PPP2R2C: variants seen among roughly 807,000 people sequenced by gnomAD.
The protein encoded by PPP2R2C is protein phosphatase 2 regulatory subunit Bgamma, also known as protein phosphatase 2, regulatory subunit B, gamma.
Under a neutral mutation model 45.3 loss-of-function variants are expected in PPP2R2C, and 10 were observed. That is an observed-to-expected ratio of 0.22 (90% CI 0.14 to 0.37). PPP2R2C has a LOEUF of 0.37. Among genes scored for constraint, PPP2R2C ranks in the 10% least tolerant of loss-of-function variants. The probability of loss-of-function intolerance (pLI) is 1.00; values close to 1 mark genes in which losing one functional copy is unlikely to be tolerated. For missense variants in PPP2R2C, 308 were observed against 619.7 expected (o/e 0.50, Z 5.34); for synonymous variants, 257 against 245.4 (o/e 1.05, Z -0.44).
At position 6,457,798 on chromosome 4, in the gene PPP2R2C, A is replaced by G. The variant is rs187971250; in HGVS notation, c.70+14362T>C. Among the ~76,000 whole-genome samples, 827 of 152,372 alleles carry G rather than the reference A, an allele frequency of 5.4e-3. 4 individuals are homozygous for G. The highest frequency in any genetic ancestry group is 7.5e-3 in the Non-Finnish European group (512 of 68,038). ...AAAGACATATGGAGAGAGTTTGCAC[A>G]GTGCTCGCTACTGTTATTGTATACC... On this transcript the variant is annotated intron_variant, in intron 1 of 8. Transcript: ENST00000382599.
chr4:6,453,386 T>C lies in PPP2R2C; in HGVS notation c.70+18774A>G, dbSNP rs1343984168. ...CGTCAGGACTTGCAGGAAGTATCCA[T>C]GGCAACCCCCAGCCCCAGCCACCCC... is the stretch of plus-strand genomic sequence containing the variant. On this transcript the variant is annotated intron_variant, in intron 1 of 8. Coordinates refer to ENST00000382599, the MANE Select transcript of PPP2R2C (RefSeq NM_020416.4). 3.9e-5 allele frequency among the ~76,000 whole-genome samples: 6 copies of C among 152,204 alleles called. No homozygotes were observed. In the South Asian group the frequency reaches 6.2e-4, roughly 16 times the overall value.
At chr4:6,562,391 G>A in intron 1 of PPP2R2C, among the ~76,000 whole-genome samples, 1 of 151,554 alleles carries the variant, frequency 6.6e-6, no homozygotes, top group East Asian at 1.9e-4. Flanking sequence ...TGTGGCCTCG[G>A]GCAAGTTACT....
In PPP2R2C at chr4:6,378,893, G is replaced by C. The variant is rs111438100; in HGVS notation, c.169-321C>G. Among the ~76,000 whole-genome samples the C allele has an allele frequency of 2.0e-4, 30 of 151,598 alleles. No homozygotes were observed. Among genetic ancestry groups the C allele is most frequent in the African/African-American group, 7.3e-4 (30 of 41,302 alleles). ...CGCACCATCGCATTCTACCCTCCAG[G>C]CCTCCTCTGCTTGAGCACCACGACT... On this transcript the variant is annotated intron_variant, in intron 2 of 8. Coordinates refer to ENST00000382599, the MANE Select transcript of PPP2R2C (RefSeq NM_020416.4). The surrounding 1 kb of genome is among the most constrained non-coding windows in gnomAD (Gnocchi z 5.2).
chr4:6,389,220 C>G (rs973438249), intron 1 of PPP2R2C, among the ~76,000 whole-genome samples: 16 of 152,198 alleles, frequency 1.1e-4, no homozygotes, highest in African/African-American at 3.9e-4. Context: ...ATTCTGTGGA[C>G]TAGGACGTTC....
chr4:6,397,293 C>T (rs910894416), intron 1 of PPP2R2C, among the ~76,000 whole-genome samples: 1 of 152,254 alleles, frequency 6.6e-6, no homozygotes, highest in Admixed American at 6.5e-5. Context: ...CCCCCAGGCA[C>T]CCCTGCTGCT....
chr4:6,547,942 G>T (rs1260752538), intron 1 of PPP2R2C, among the ~76,000 whole-genome samples: 1 of 152,152 alleles, frequency 6.6e-6, no homozygotes, highest in African/African-American at 2.4e-5. Flanking sequence ...ATGGGGCCAG[G>T]CACGGTAGCT....
chr4:6,350,682 T>A (rs1167826174), intron 5 of PPP2R2C: 3 of 985,016 alleles, frequency 3.0e-6, no homozygotes, highest in Non-Finnish European at 3.6e-6. Context: ...AGGGGAGACC[T>A]CTCCTTCGGC....
Position 6,406,275 on chromosome 4 carries a change from C to A in PPP2R2C, c.71-25181G>T, listed in dbSNP as rs115094103. Among the ~76,000 whole-genome samples the A allele has an allele frequency of 8.5e-3, 1,293 of 152,322 alleles. 9 individuals carry two copies. The highest frequency in any genetic ancestry group is 0.013 in the Non-Finnish European group (893 of 68,026). Reference sequence around the variant, plus strand: ...GGATCTAAACCCAGCCAGTGTGGACCAGCACCTTCCATGGGGAAGTTGGTC... The same window carrying A: ...GGATCTAAACCCAGCCAGTGTGGACAAGCACCTTCCATGGGGAAGTTGGTC... On this transcript the variant is annotated intron_variant, in intron 1 of 8. Transcript: ENST00000382599.
rs139745988 is a variant in PPP2R2C, at chr4:6,409,869, T to A, written c.71-28775A>T. The stretch of plus-strand genomic sequence containing the variant: ...AAGCCTTTGCCCAGACTTTCCCCTC[T>A]GCCTGGAACACCCTTCCTATCTTTT... On this transcript the variant is annotated intron_variant, in intron 1 of 8. Transcript: ENST00000382599. Among the ~76,000 whole-genome samples, 70 of 152,316 alleles carry A rather than the reference T, an allele frequency of 4.6e-4. 2 individuals carry two copies. The highest frequency in any genetic ancestry group is 1.5e-3 in the African/African-American group (63 of 41,580).
chr4:6,457,662 C>T (rs1315960655), intron 1 of PPP2R2C, among the ~76,000 whole-genome samples: 1 of 152,192 alleles, frequency 6.6e-6, no homozygotes, highest in Non-Finnish European at 1.5e-5. Flanking sequence ...GTGTGAGCCA[C>T]AATGCCCAAC....
intron 1 of PPP2R2C, chr4:6,382,165 T>A: frequency 8.4e-7 from 1 of 1,194,196 alleles, no homozygotes; most frequent in Non-Finnish European, 1.1e-6. Context: ...ACATTTCCAG[T>A]ATGTCTTGGA....
upstream of PPP2R2C, among the ~76,000 whole-genome samples, chr4:6,474,228 ACT>A (rs1722055864): frequency 1.3e-5 from 1 of 76,750 alleles, no homozygotes; most frequent in African/African-American, 5.2e-5. Flanking sequence ...CCAGCCCCCC[ACT>A]CTCTGTCCAC....
At chr4:6,522,245 C>G (rs1025735700) in intron 2 of PPP2R2C, among the ~76,000 whole-genome samples, 2 of 152,212 alleles carry the variant, frequency 1.3e-5, no homozygotes, top group African/African-American at 4.8e-5. Flanking sequence ...CTGCCTTTAA[C>G]CCTTTTCTGA....
intron 6 of PPP2R2C, among the ~76,000 whole-genome samples, chr4:6,342,692 A>C (rs1233865043): frequency 6.6e-6 from 1 of 152,144 alleles, no homozygotes; most frequent in Non-Finnish European, 1.5e-5. Context: ...GTAACTGTCT[A>C]TTTTGAGGAC....
chr4:6,347,757 C>A, intron 6 of PPP2R2C, 89 bp downstream of exon 6: 1 of 1,451,314 alleles, frequency 6.9e-7, no homozygotes, highest in South Asian at 1.4e-5. Context: ...CCACACCCAC[C>A]ACCCCTGCAG....
In PPP2R2C at chr4:6,509,818, G is replaced by A. The variant is rs539717014; in HGVS notation, c.49+25453C>T. The stretch of plus-strand genomic sequence containing the variant: ...CTTAGGTTTCCATGGTGATCACAAT[G>A]GCACCCACCTTCCTGGGCTGTCACA... On this transcript the variant is annotated intron_variant, in intron 2 of 9. Transcript: ENST00000506140. Among the ~76,000 whole-genome samples the A allele has an allele frequency of 1.6e-4, 24 of 152,288 alleles. 1 individual carries two copies. The South Asian group carries it at 5.0e-3, about 32-fold the overall frequency.
chr4:6,525,026 C>T (rs1176853299), intron 2 of PPP2R2C, among the ~76,000 whole-genome samples: 1 of 152,134 alleles, frequency 6.6e-6, no homozygotes, highest in African/African-American at 2.4e-5. Context: ...GTTGAGGCTG[C>T]AGTGAGCTAT....
At chr4:6,485,575 T>C (rs1722504508) in intron 2 of PPP2R2C, among the ~76,000 whole-genome samples, 1 of 151,924 alleles carries the variant, frequency 6.6e-6, no homozygotes, top group Non-Finnish European at 1.5e-5. Flanking sequence ...AGGATATCTA[T>C]TTCTTCTTCA....
intron 4 of PPP2R2C, among the ~76,000 whole-genome samples, chr4:6,374,774 C>T (rs553364380): frequency 2.0e-5 from 3 of 152,246 alleles, no homozygotes; most frequent in South Asian, 4.1e-4. Context: ...CTCTAGGGCC[C>T]CAAGGGCTAG....
Sources: allele counts gnomAD v4.1 joint callset (sites outside exome capture counted in the v4.1 genomes callset), GRCh38; gene constraint gnomAD v4.1.1; non-coding constraint Gnocchi (gnomAD v3.1); transcripts MANE v1.5; gene names NCBI Gene and HGNC (gene_info 2026-07-23, HGNC 2026-07-21).